Variants in NRXN3 observed in about 807,000 individuals in gnomAD.
NRXN3 encodes neurexin III.
NRXN3 carries 32 observed loss-of-function variants against 137.6 expected under a neutral mutation model. The observed-to-expected ratio is 0.23, with a 90% confidence interval of 0.18 to 0.31. The LOEUF (loss-of-function observed/expected upper bound fraction) is 0.31, where lower values mean the gene tolerates loss of function less well. Ranked by LOEUF, NRXN3 falls within the 10% of genes least tolerant of loss-of-function variation. The pLI is 1.00. For missense variants in NRXN3, 1,574 were observed against 2,062.5 expected (o/e 0.76, Z 4.59); for synonymous variants, 798 against 784.5 (o/e 1.02, Z -0.29).
intron 15 of NRXN3, among the ~76,000 whole-genome samples, chr14:79,257,157 T>C (rs2076685482): frequency 6.6e-6 from 1 of 151,982 alleles, no homozygotes; most frequent in Non-Finnish European, 1.5e-5. Flanking sequence ...AAACCTCTCT[T>C]TGAAGGCAGG....
At chr14:79,687,415 A>G (rs962147078) in intron 17 of NRXN3, among the ~76,000 whole-genome samples, 18 of 152,154 alleles carry the variant, frequency 1.2e-4, no homozygotes, top group African/African-American at 3.9e-4. Context: ...TCTTTGGGGG[A>G]AGAGACATGG....
chr14:78,827,734 C>G (rs1052037122), intron 10 of NRXN3, among the ~76,000 whole-genome samples: 4 of 152,232 alleles, frequency 2.6e-5, no homozygotes, highest in Non-Finnish European at 4.4e-5. Flanking sequence ...TGGGAGCTGA[C>G]ATGCTGAGCT....
At chr14:79,799,674 C>T (rs545258722) in intron 19 of NRXN3, among the ~76,000 whole-genome samples, 9 of 152,286 alleles carry the variant, frequency 5.9e-5, no homozygotes, top group Admixed American at 2.6e-4. Context: ...TGCCCTTCTC[C>T]TTCTCCAGCC....
At chr14:78,801,041 G>T (rs897035044) in intron 8 of NRXN3, among the ~76,000 whole-genome samples, 1 of 152,184 alleles carries the variant, frequency 6.6e-6, no homozygotes, top group African/African-American at 2.4e-5. Context: ...AATACATGAG[G>T]CCGGGCGCAG....
chr14:78,909,360 G>A (rs965892234), intron 10 of NRXN3, among the ~76,000 whole-genome samples: 1 of 152,116 alleles, frequency 6.6e-6, no homozygotes, highest in Non-Finnish European at 1.5e-5. Context: ...GCTGCTCAAG[G>A]CATTTTGCTT....
intron 4 of NRXN3, among the ~76,000 whole-genome samples, chr14:78,405,569 G>T (rs900199943): frequency 1.1e-4 from 16 of 146,880 alleles, no homozygotes; most frequent in African/African-American, 4.0e-4. Context: ...TATACAGGCT[G>T]CCTGGAACTT....
intron 15 of NRXN3, among the ~76,000 whole-genome samples, chr14:79,205,685 C>G (rs1261998405): frequency 6.6e-6 from 1 of 152,180 alleles, no homozygotes; most frequent in East Asian, 1.9e-4. Flanking sequence ...AGTACACACT[C>G]TATCAAGTCA....
intron 10 of NRXN3, among the ~76,000 whole-genome samples, chr14:78,878,435 A>G (rs1409460885): frequency 1.3e-5 from 2 of 152,212 alleles, no homozygotes; most frequent in Admixed American, 6.5e-5. Flanking sequence ...GAACCAGCCA[A>G]TGTGATGCAA....
intron 6 of NRXN3, among the ~76,000 whole-genome samples, chr14:78,702,089 G>A (rs1750163175): frequency 1.3e-5 from 2 of 152,248 alleles, no homozygotes; most frequent in South Asian, 4.1e-4. Flanking sequence ...GGATCTAAGA[G>A]GACCATCTGC....
intron 4 of NRXN3, among the ~76,000 whole-genome samples, chr14:78,381,842 A>C (rs538856682): frequency 6.6e-6 from 1 of 152,242 alleles, no homozygotes; most frequent in Non-Finnish European, 1.5e-5. Context: ...CAAAGGGTAC[A>C]TATTATATGA....
intron 4 of NRXN3, among the ~76,000 whole-genome samples, chr14:78,638,072 A>G (rs947657953): frequency 6.6e-6 from 1 of 152,224 alleles, no homozygotes; most frequent in Non-Finnish European, 1.5e-5. Context: ...TTCCCTCACC[A>G]GGATGCTGGC....
intron 20 of NRXN3, among the ~76,000 whole-genome samples, chr14:79,806,977 T>A (rs1306486298): frequency 2.9e-5 from 3 of 103,592 alleles, no homozygotes; most frequent in Non-Finnish European, 5.9e-5. Context: ...TTTTTTTTTT[T>A]TTTTTTTTTT....
At chr14:79,764,896 G>A (rs756641182) in intron 19 of NRXN3, among the ~76,000 whole-genome samples, 1 of 152,102 alleles carries the variant, frequency 6.6e-6, no homozygotes, top group Non-Finnish European at 1.5e-5. Context: ...TGTTTTGTTT[G>A]ACATTTTTGG....
chr14:79,388,160 CTTGCTCCTCCTCTT>C (rs2094706229), intron 15 of NRXN3, among the ~76,000 whole-genome samples: 1 of 151,980 alleles, frequency 6.6e-6, no homozygotes, highest in Non-Finnish European at 1.5e-5. Context: ...CTTATTCTCT[CTTGCTCCTCCTCTT>C]GTCATGAAAT....
chr14:78,963,833 A>G (rs192825743), intron 11 of NRXN3, among the ~76,000 whole-genome samples: 140 of 152,262 alleles, frequency 9.2e-4, no homozygotes, highest in South Asian at 3.5e-3. Flanking sequence ...TGTGTTACCT[A>G]GGCTGGAGTG....
chr14:79,087,675 G>T lies in NRXN3; in HGVS notation c.3262+99534G>T, dbSNP rs143697541. ...AAATATATAACTCTCCATTTTCTCA[G>T]GAGGTCTAACTCATTACAGTTCCAT... On this transcript the variant is annotated intron_variant, in intron 15 of 20. Coordinates refer to ENST00000335750, the MANE Select transcript of NRXN3 (RefSeq NM_001330195.2). Among the ~76,000 whole-genome samples, 745 of 152,276 alleles carry T rather than the reference G, an allele frequency of 4.9e-3. 3 individuals are homozygous for T. Among genetic ancestry groups the T allele is most frequent in the South Asian group, 0.019 (93 of 4,822 alleles).
At chr14:79,052,878 G>A (rs892253913) in intron 15 of NRXN3, among the ~76,000 whole-genome samples, 3 of 152,156 alleles carry the variant, frequency 2.0e-5, no homozygotes, top group Admixed American at 6.6e-5. Flanking sequence ...CTTGTTTGGT[G>A]TGCATGATTG....
At chr14:79,823,093 A>G (rs2099277736) in intron 20 of NRXN3, among the ~76,000 whole-genome samples, 1 of 152,204 alleles carries the variant, frequency 6.6e-6, no homozygotes, top group South Asian at 2.1e-4. Context: ...GTCAAATATT[A>G]TAGTCCCCAG....
At chr14:79,273,774 T>A (rs1399220953) in intron 15 of NRXN3, among the ~76,000 whole-genome samples, 2 of 151,942 alleles carry the variant, frequency 1.3e-5, no homozygotes, top group Non-Finnish European at 2.9e-5. Flanking sequence ...TTACTCCCAT[T>A]TCACAGATGA....
Sources: gnomAD v4.1 joint callset for allele counts (sites outside exome capture counted in the v4.1 genomes callset) on GRCh38, gnomAD v4.1.1 for gene constraint, MANE v1.5 for transcripts, NCBI Gene and HGNC (gene_info 2026-07-23, HGNC 2026-07-21) for gene names.